NECAP2: variants seen among roughly 807,000 people sequenced by gnomAD.
NECAP2 encodes the protein adaptin ear-binding coat-associated protein 2.
NECAP2 carries 38 observed loss-of-function variants against 37.8 expected under a neutral mutation model. The ratio of observed to expected loss-of-function variants is 1.01; its 90% CI spans 0.78 to 1.32. The LOEUF is 1.32. NECAP2 is among the 40% of genes most tolerant of loss of function. The pLI, the probability that NECAP2 is intolerant of heterozygous loss-of-function variation, is 0.00. For synonymous variants in NECAP2, 121 were observed against 127.7 expected (o/e 0.95, Z 0.35); for missense variants, 316 against 334.5 (o/e 0.94, Z 0.43).
intron 6 of NECAP2, 45 bp downstream of exon 6, chr1:16,452,060 C>G (rs369642475): frequency 6.6e-7 from 1 of 1,508,360 alleles, no homozygotes; most frequent in African/African-American, 1.4e-5. Flanking sequence ...CTGCCGGCTC[C>G]TCTTCTCCCT....
intron 2 of NECAP2, among the ~76,000 whole-genome samples, chr1:16,446,893 C>A (rs898322998): frequency 4.6e-5 from 7 of 152,066 alleles, no homozygotes; most frequent in Admixed American, 3.3e-4. Flanking sequence ...AACACTGTCT[C>A]TACTAAAAAT....
intron 5 of NECAP2, chr1:16,449,721 A>C (rs2086813413): frequency 5.8e-6 from 1 of 171,764 alleles, no homozygotes; most frequent in Admixed American, 5.7e-5. Context: ...GATTTGGGAG[A>C]GTTCTGGCAG....
Position 16,451,853 on chromosome 1 carries a change from G to A in NECAP2, c.505G>A (p.Glu169Lys). ...KLNIANMKKK[E>K]GAAGNPRVRP... ...CCCTCTTTAGAACATGAAGAAGAAGGAAGGAGCAGCTGGGAATCCCCGAGT... is the reference window on the plus strand; with the variant it reads ...CCCTCTTTAGAACATGAAGAAGAAGAAAGGAGCAGCTGGGAATCCCCGAGT... Residue 169 changes from glutamate to lysine, a missense_variant, in exon 6 of 8, where the codon GAA becomes AAA. Physicochemically the swap from Glu to Lys is moderately conservative, Grantham distance 56. This residue lies in a region of NECAP2 where 204 missense variants were observed against 188.6 expected (regional missense o/e 1.08). Transcript: ENST00000337132. 6.2e-7 allele frequency: 1 copy of A among 1,614,106 alleles called. No homozygotes were observed. Among genetic ancestry groups the A allele is most frequent in the Non-Finnish European group, 8.5e-7 (1 of 1,180,002 alleles).
intron 7 of NECAP2, among the ~76,000 whole-genome samples, chr1:16,457,707 G>GGTTTTT (rs1174757173): frequency 9.5e-6 from 1 of 105,498 alleles, no homozygotes; most frequent in African/African-American, 3.8e-5. Context: ...TAGTAATTCT[G>GGTTTTT]TTTTTTTTTT....
At chr1:16,448,471 C>A in intron 4 of NECAP2, 1 of 342,246 alleles carries the variant, frequency 2.9e-6, no homozygotes, top group Non-Finnish European at 5.5e-6. Flanking sequence ...CTTGGATTCC[C>A]AGGGCACCCA....
At chr1:16,440,931 C>T (rs1287134564) in intron 1 of NECAP2, 78 bp downstream of exon 1, 4 of 1,288,170 alleles carry the variant, frequency 3.1e-6, no homozygotes, top group Non-Finnish European at 4.5e-6. Flanking sequence ...CTGCGGGAAC[C>T]GAGGACAGCC....
At chr1:16,447,742 A>G (rs2086783789) in intron 2 of NECAP2, 128 bp from the exon 3 acceptor site, 1 of 715,740 alleles carries the variant, frequency 1.4e-6, no homozygotes, top group South Asian at 1.6e-5. Flanking sequence ...TGAATCCCAC[A>G]GTAAGGTTTG....
chr1:16,458,677 G>A (rs555137931), intron 7 of NECAP2, among the ~76,000 whole-genome samples, 165 bp from the exon 8 acceptor site: 6 of 151,370 alleles, frequency 4.0e-5, no homozygotes, highest in African/African-American at 1.5e-4. Context: ...AAAAACCATC[G>A]AGGGCCAGAT....
At chr1:16,447,313 G>GCTT (rs58755894) in intron 2 of NECAP2, among the ~76,000 whole-genome samples, 150,808 of 152,288 alleles carry the variant, frequency 0.99, 74,671 homozygotes, top group East Asian at 1. Context: ...TTTCACAAGG[G>GCTT]CTTTTAAAGC....
At chr1:16,443,026 C>T (rs1023851491) in intron 1 of NECAP2, among the ~76,000 whole-genome samples, 1 of 152,208 alleles carries the variant, frequency 6.6e-6, no homozygotes, top group Admixed American at 6.5e-5. Flanking sequence ...TTCTCCTTTT[C>T]TCTTCTGGTG....
In NECAP2 at chr1:16,448,290, T is replaced by A. The variant is rs1273029048; in HGVS notation, c.380+149T>A. The A allele has an allele frequency of 4.0e-6, 3 of 754,866 alleles. No individual in the cohort carries two copies. The African/African-American group carries it at 5.1e-5, about 13-fold the overall frequency. 46.8% of individuals were successfully genotyped at this position (754,866 alleles called of 1,614,324 possible). ...CCCAGGACAAGCCACCTCTCTTCTC[T>A]GCCAATGTTCATCTCTGCTGTAAAG... On this transcript the variant is annotated intron_variant, in intron 4 of 7. Transcript: ENST00000337132.
chr1:16,458,373 A>T (rs1267193230), intron 7 of NECAP2, among the ~76,000 whole-genome samples: 1 of 152,062 alleles, frequency 6.6e-6, no homozygotes, highest in Non-Finnish European at 1.5e-5. Context: ...AGGCCAAAGC[A>T]GGCAGATCAC....
chr1:16,441,064 G>C, intron 1 of NECAP2: 1 of 577,636 alleles, frequency 1.7e-6, no homozygotes, highest in Non-Finnish European at 3.1e-6. Flanking sequence ...CTGGCGGCGG[G>C]GAGGGCGTTA....
chr1:16,454,508 A>G (rs1044795245), intron 6 of NECAP2, among the ~76,000 whole-genome samples: 3 of 151,686 alleles, frequency 2.0e-5, no homozygotes, highest in African/African-American at 7.3e-5. Context: ...GGCATGCACC[A>G]CCATACCTGG....
chr1:16,442,165 A>G (rs1375882441), intron 1 of NECAP2, among the ~76,000 whole-genome samples: 3 of 152,008 alleles, frequency 2.0e-5, no homozygotes, highest in African/African-American at 7.3e-5. Context: ...TTTAGTAGAG[A>G]TGAGATTTCT....
chr1:16,448,998 C>T, intron 4 of NECAP2, 95 bp from the exon 5 acceptor site: 1 of 796,806 alleles, frequency 1.3e-6, no homozygotes, highest in Non-Finnish European at 2.1e-6. Flanking sequence ...CGAGGCTCAG[C>T]CTGGACTGAT....
Position 16,442,428 on chromosome 1 carries a change from C to G in NECAP2, c.93-1204C>G, listed in dbSNP as rs138875289. 2.0e-5 allele frequency among the ~76,000 whole-genome samples: 3 copies of G among 152,226 alleles called. No homozygotes were observed. In the East Asian group the frequency reaches 5.8e-4, roughly 29 times the overall value. ...AGCTCTCCTTAGCCTGAATCTCAGGCCTGGTAAGAGGAACAGGAACTGAGT... is the reference window on the plus strand; with the variant it reads ...AGCTCTCCTTAGCCTGAATCTCAGGGCTGGTAAGAGGAACAGGAACTGAGT... On this transcript the variant is annotated intron_variant, in intron 1 of 7. Transcript: ENST00000337132.
chr1:16,448,673 C>T (rs1488798254), intron 4 of NECAP2, among the ~76,000 whole-genome samples: 1 of 152,052 alleles, frequency 6.6e-6, no homozygotes, highest in East Asian at 1.9e-4. Context: ...TTGTGTTGCC[C>T]TCTACTTTTG....
At chr1:16,443,086 T>C (rs1483981660) in intron 1 of NECAP2, among the ~76,000 whole-genome samples, 1 of 152,206 alleles carries the variant, frequency 6.6e-6, no homozygotes, top group African/African-American at 2.4e-5. Flanking sequence ...TGGTCTCAAA[T>C]GGTCGCTCTG....
Sources: gnomAD v4.1 joint callset for allele counts (sites outside exome capture counted in the v4.1 genomes callset) on GRCh38, gnomAD v4.1.1 for gene constraint, gnomAD v4.1.1 regional missense constraint, MANE v1.5 for transcripts, NCBI Gene and HGNC (gene_info 2026-07-23, HGNC 2026-07-21) for gene names.